NDUFA8: variants seen among roughly 807,000 people sequenced by gnomAD.
NDUFA8 encodes the protein NADH dehydrogenase [ubiquinone] 1 alpha subcomplex subunit 8.
In NDUFA8, 16 loss-of-function variants were observed where a neutral mutation model predicts 20.9. That is an observed-to-expected ratio of 0.77 (90% CI 0.52 to 1.16). NDUFA8 has a LOEUF of 1.16. NDUFA8 is among the 50% of genes most tolerant of loss of function. The pLI is 0.00. For missense variants in NDUFA8, 202 were observed against 216.4 expected, an observed-to-expected ratio of 0.93 and a Z score of 0.42; for synonymous variants, 70 against 76.1, an observed-to-expected ratio of 0.92 and a Z score of 0.41.
chr9:122,138,724 T>C, the NDUFA8 span, among the ~76,000 whole-genome samples: 2 of 151,044 alleles, frequency 1.3e-5, no homozygotes, highest in South Asian at 2.1e-4. Context: ...AGGAGTGTTA[T>C]ACAAGGCAGG....
At chr9:122,142,245 AGG>A (rs1265929051), downstream of NDUFA8, among the ~76,000 whole-genome samples, 1 of 152,210 alleles carries the variant, frequency 6.6e-6, no homozygotes, top group African/African-American at 2.4e-5. Context: ...TTTTGAGAGT[AGG>A]GGCTTTGGAA....
At chr9:122,148,726 A>G (rs1338399562) in intron 2 of NDUFA8, among the ~76,000 whole-genome samples, 1 of 152,130 alleles carries the variant, frequency 6.6e-6, no homozygotes, top group African/African-American at 2.4e-5. Context: ...GCAAATACAC[A>G]AACTAACAAG....
chr9:122,155,835 G>A (rs543419455), intron 1 of NDUFA8, among the ~76,000 whole-genome samples: 25 of 152,090 alleles, frequency 1.6e-4, no homozygotes, highest in African/African-American at 5.3e-4. Flanking sequence ...AAAGACTGAC[G>A]CATTATTTAT....
chr9:122,135,227 C>CTG, the NDUFA8 span, among the ~76,000 whole-genome samples: 1 of 152,216 alleles, frequency 6.6e-6, no homozygotes, highest in Non-Finnish European at 1.5e-5. Context: ...GTCCCATTGG[C>CTG]CGCACACCTA....
chr9:122,137,238 C>CTTTTTTTTTTTTTTT, the NDUFA8 span, among the ~76,000 whole-genome samples: 3 of 106,588 alleles, frequency 2.8e-5, no homozygotes, highest in Non-Finnish European at 3.5e-5. Context: ...TTTTCCTTTC[C>CTTTTTTTTTTTTTTT]TTTTTTTTTT....
chr9:122,133,150 A>G, the NDUFA8 span, among the ~76,000 whole-genome samples: 1 of 152,082 alleles, frequency 6.6e-6, no homozygotes, highest in Non-Finnish European at 1.5e-5. Flanking sequence ...ACAGCTAATA[A>G]ATAAGTGGCC....
the NDUFA8 span, among the ~76,000 whole-genome samples, chr9:122,135,111 G>T: frequency 6.6e-6 from 1 of 152,206 alleles, no homozygotes; most frequent in Non-Finnish European, 1.5e-5. Context: ...ACAGCCTGTG[G>T]CTGGGGCTTT....
At chr9:122,154,414 T>G (rs11795026) in intron 1 of NDUFA8, among the ~76,000 whole-genome samples, 2 of 152,042 alleles carry the variant, frequency 1.3e-5, no homozygotes, top group African/African-American at 2.4e-5. Flanking sequence ...TCCTTCATTA[T>G]AGGGACCTTG....
intron 1 of NDUFA8, among the ~76,000 whole-genome samples, chr9:122,157,339 G>C (rs1206964390): frequency 2.6e-5 from 4 of 152,138 alleles, no homozygotes; most frequent in Non-Finnish European, 5.9e-5. Flanking sequence ...TTATAGCTGG[G>C]ATCACCTCAT....
chr9:122,156,499 G>T (rs748649045), intron 1 of NDUFA8, among the ~76,000 whole-genome samples: 3 of 152,086 alleles, frequency 2.0e-5, no homozygotes, highest in Non-Finnish European at 4.4e-5. Context: ...AAAATAATAA[G>T]AACAGTGCCT....
At chr9:122,137,995 G>A in the NDUFA8 span, among the ~76,000 whole-genome samples, 78,400 of 152,002 alleles carry the variant, frequency 0.52, 21,526 homozygotes, top group Middle Eastern at 0.65. Context: ...AAGTTCTTTG[G>A]TATGAATTCA....
the NDUFA8 span, chr9:122,132,902 G>A: frequency 2.2e-6 from 1 of 455,984 alleles, no homozygotes; most frequent in Non-Finnish European, 4.4e-6. Flanking sequence ...GCTCCACCAG[G>A]GCTTGAGTTT....
downstream of NDUFA8, chr9:122,144,031 C>T: frequency 7.1e-7 from 1 of 1,399,922 alleles, no homozygotes; most frequent in Non-Finnish European, 9.3e-7. Flanking sequence ...GCCAAAAGGT[C>T]ACATAAAACA....
chr9:122,159,613 C>T lies in NDUFA8; in HGVS notation c.51+14G>A. The T allele has an allele frequency of 1.2e-6, 2 of 1,614,146 alleles. No individual in the cohort carries two copies. Among genetic ancestry groups the T allele is most frequent in the East Asian group, 4.5e-5 (2 of 44,866 alleles). The stretch of plus-strand genomic sequence containing the variant: ...GCCCCATGTCTCCCTTGCCTGTCCT[C>T]CGGATAGCCTCACCTCATCTACTTT... On this transcript the variant is annotated intron_variant, in intron 1 of 3. Coordinates refer to ENST00000373768, the MANE Select transcript of NDUFA8 (RefSeq NM_014222.3).
At chr9:122,133,984 G>A in the NDUFA8 span, among the ~76,000 whole-genome samples, 2 of 152,286 alleles carry the variant, frequency 1.3e-5, no homozygotes, top group African/African-American at 4.8e-5. Flanking sequence ...TCTGCCACCA[G>A]CCAGCTGTGT....
chr9:122,148,050 AC>A, intron 3 of NDUFA8, 61 bp downstream of exon 3: 5 of 1,603,008 alleles, frequency 3.1e-6, no homozygotes, highest in Non-Finnish European at 4.3e-6. Flanking sequence ...TTTGCTGACC[AC>A]CTCCTGCCTT....
the NDUFA8 span, among the ~76,000 whole-genome samples, chr9:122,136,393 A>T: frequency 2.6e-5 from 4 of 152,098 alleles, no homozygotes; most frequent in Non-Finnish European, 5.9e-5. Context: ...CTGGGTCAAT[A>T]CTCAATATTA....
At chr9:122,159,024 C>A (rs950692074) in intron 1 of NDUFA8, among the ~76,000 whole-genome samples, 1 of 152,054 alleles carries the variant, frequency 6.6e-6, no homozygotes, top group African/African-American at 2.4e-5. Flanking sequence ...ATTGTAAAGT[C>A]CATGAAAGCA....
intron 2 of NDUFA8, among the ~76,000 whole-genome samples, chr9:122,151,796 CT>C (rs1275266280): frequency 1.9e-5 from 2 of 107,514 alleles, no homozygotes; most frequent in African/African-American, 8.8e-5. Flanking sequence ...TTTTTTTTTA[CT>C]TAAGTATCAT....
Sources: allele counts gnomAD v4.1 joint callset (sites outside exome capture counted in the v4.1 genomes callset), GRCh38; gene constraint gnomAD v4.1.1; transcripts MANE v1.5; gene names NCBI Gene and HGNC (gene_info 2026-07-23, HGNC 2026-07-21).